Variants in NMNAT2 observed in about 807,000 individuals in gnomAD.
NMNAT2 encodes the protein nicotinamide nucleotide adenylyltransferase 2.
NMNAT2 carries 11 observed loss-of-function variants against 41.6 expected under a neutral mutation model. That is an observed-to-expected ratio of 0.26 (90% CI 0.17 to 0.44). The LOEUF (loss-of-function observed/expected upper bound fraction) is 0.44, where lower values mean the gene tolerates loss of function less well. Among genes scored for constraint, NMNAT2 ranks in the 20% least tolerant of loss-of-function variants. The pLI, the probability that NMNAT2 is intolerant of heterozygous loss-of-function variation, is 1.00. For missense variants in NMNAT2, 288 were observed against 407.7 expected (o/e 0.71, Z 2.53); for synonymous variants, 148 against 151.2 (o/e 0.98, Z 0.16).
At position 183,375,124 on chromosome 1, in the gene NMNAT2, C is replaced by A. The variant is rs115042414; in HGVS notation, c.85+43059G>T. ...AGCTTCCTAACTCATGCCCCTACCC[C>A]CATCGGCTTTGTCTCTCCTTTGTCC... On this transcript the variant is annotated intron_variant, in intron 1 of 10. Coordinates refer to ENST00000287713, the MANE Select transcript of NMNAT2 (RefSeq NM_015039.4). 4.2e-3 allele frequency among the ~76,000 whole-genome samples: 633 copies of A among 152,294 alleles called. 6 individuals are homozygous for A. Among genetic ancestry groups the A allele is most frequent in the Non-Finnish European group, 7.0e-3 (479 of 68,020 alleles).
intron 1 of NMNAT2, among the ~76,000 whole-genome samples, chr1:183,347,987 A>T (rs933803573): frequency 6.6e-6 from 1 of 152,014 alleles, no homozygotes; most frequent in African/African-American, 2.4e-5. Flanking sequence ...CCCCAAGGAG[A>T]TTCCTGATAT....
chr1:183,355,361 G>A (rs1289163210), intron 1 of NMNAT2, among the ~76,000 whole-genome samples: 1 of 152,202 alleles, frequency 6.6e-6, no homozygotes, highest in Non-Finnish European at 1.5e-5. Context: ...GGCACCAGCA[G>A]CACCTAGAAG....
chr1:183,384,595 C>T (rs2185081), intron 1 of NMNAT2, among the ~76,000 whole-genome samples: 104,870 of 152,082 alleles, frequency 0.69, 36,432 homozygotes, highest in East Asian at 0.91. Context: ...AGTCACCTTC[C>T]ACTAGGCCCC....
At chr1:183,345,114 C>T (rs9660163) in intron 1 of NMNAT2, among the ~76,000 whole-genome samples, 8 of 106,872 alleles carry the variant, frequency 7.5e-5, no homozygotes, top group African/African-American at 2.1e-4. Flanking sequence ...ATACAATCTT[C>T]TCTTCTCCTC....
intron 2 of NMNAT2, 90 bp from the exon 3 acceptor site, chr1:183,292,947 T>A: frequency 1.6e-6 from 2 of 1,219,704 alleles, no homozygotes; most frequent in Non-Finnish European, 2.4e-6. Flanking sequence ...ATTGTTAAAG[T>A]GCAGCCATTT....
intron 1 of NMNAT2, among the ~76,000 whole-genome samples, chr1:183,373,323 C>A (rs1375078458): frequency 6.6e-6 from 1 of 152,202 alleles, no homozygotes; most frequent in Non-Finnish European, 1.5e-5. Context: ...ACTGAGAGGC[C>A]TGATTGCAAA....
At chr1:183,328,966 T>C (rs1371716858) in intron 1 of NMNAT2, among the ~76,000 whole-genome samples, 1 of 152,152 alleles carries the variant, frequency 6.6e-6, no homozygotes, top group Non-Finnish European at 1.5e-5. Context: ...TTTTGTGCTG[T>C]GCAGAGGTAG....
At chr1:183,325,949 C>T (rs1005194607) in intron 1 of NMNAT2, among the ~76,000 whole-genome samples, 3 of 152,146 alleles carry the variant, frequency 2.0e-5, no homozygotes, top group Admixed American at 6.5e-5. Context: ...GTCCCTGCCA[C>T]GAGTTTACAA....
At chr1:183,264,876 A>T (rs894707518) in intron 8 of NMNAT2, among the ~76,000 whole-genome samples, 8 of 151,106 alleles carry the variant, frequency 5.3e-5, no homozygotes, top group South Asian at 2.1e-4. Flanking sequence ...GCTGCTGGCT[A>T]CTCCTTTCTG....
At chr1:183,366,251 T>C (rs1663407460) in intron 1 of NMNAT2, among the ~76,000 whole-genome samples, 1 of 152,246 alleles carries the variant, frequency 6.6e-6, no homozygotes, top group Non-Finnish European at 1.5e-5. Context: ...TGTTACAAGC[T>C]ATACACCTTG....
chr1:183,312,457 C>T (rs938914551), intron 1 of NMNAT2, among the ~76,000 whole-genome samples: 16 of 151,934 alleles, frequency 1.1e-4, no homozygotes, highest in African/African-American at 3.4e-4. Flanking sequence ...ATACCAATCT[C>T]CCAGATTCCC....
At chr1:183,404,946 C>T (rs1435880278) in intron 1 of NMNAT2, among the ~76,000 whole-genome samples, 2 of 152,070 alleles carry the variant, frequency 1.3e-5, no homozygotes, top group African/African-American at 2.4e-5. Flanking sequence ...TCAGGCCGGG[C>T]GAGGTGGCTT....
intron 1 of NMNAT2, among the ~76,000 whole-genome samples, chr1:183,333,068 G>T (rs1050101910): frequency 1.3e-5 from 2 of 152,152 alleles, no homozygotes; most frequent in African/African-American, 2.4e-5. Context: ...ACTCCCATTG[G>T]AAAACCCCAT....
chr1:183,329,496 A>C (rs927953453), intron 1 of NMNAT2, among the ~76,000 whole-genome samples: 1 of 152,142 alleles, frequency 6.6e-6, no homozygotes, highest in Non-Finnish European at 1.5e-5. Context: ...ACCTACTTGG[A>C]TAATCTTCGG....
chr1:183,307,327 A>T (rs1447992660), intron 1 of NMNAT2, among the ~76,000 whole-genome samples: 2 of 141,126 alleles, frequency 1.4e-5, no homozygotes. Context: ...TTTTTTTGAG[A>T]TGGAGTTTGG....
intron 1 of NMNAT2, among the ~76,000 whole-genome samples, chr1:183,396,374 C>T (rs968511708): frequency 6.6e-6 from 1 of 152,204 alleles, no homozygotes; most frequent in Admixed American, 6.5e-5. Context: ...AAGGCAGTCT[C>T]CCAGTAGACA....
chr1:183,369,271 T>C (rs1300812207), intron 1 of NMNAT2, among the ~76,000 whole-genome samples: 3 of 151,506 alleles, frequency 2.0e-5, no homozygotes, highest in East Asian at 1.9e-4. Flanking sequence ...TTCTTTTTTT[T>C]TTTTTATTAT....
chr1:183,375,975 A>T (rs1260352463), intron 1 of NMNAT2, among the ~76,000 whole-genome samples: 1 of 151,404 alleles, frequency 6.6e-6, no homozygotes. Flanking sequence ...CCACATCTGA[A>T]AAGAAACACC....
chr1:183,403,261 T>C (rs989583443), intron 1 of NMNAT2, among the ~76,000 whole-genome samples: 7 of 152,148 alleles, frequency 4.6e-5, no homozygotes, highest in African/African-American at 1.4e-4. Flanking sequence ...ATTCCTCTTT[T>C]CTCCCTCCCA....
Sources: allele counts gnomAD v4.1 joint callset (sites outside exome capture counted in the v4.1 genomes callset), GRCh38; gene constraint gnomAD v4.1.1; transcripts MANE v1.5; gene names NCBI Gene and HGNC (gene_info 2026-07-23, HGNC 2026-07-21).